MRPS9: variants seen among roughly 807,000 people sequenced by gnomAD.
MRPS9 encodes the protein mitochondrial ribosomal protein S9.
MRPS9 carries 45 observed loss-of-function variants against 59.9 expected under a neutral mutation model. The ratio of observed to expected loss-of-function variants is 0.75; its 90% CI spans 0.59 to 0.96. The LOEUF is 0.96. Ranked by LOEUF, MRPS9 falls within the 40% of genes least tolerant of loss-of-function variation. The pLI, the probability that MRPS9 is intolerant of heterozygous loss-of-function variation, is 0.00. For missense variants in MRPS9, 473 were observed against 481.1 expected, an observed-to-expected ratio of 0.98 and a Z score of 0.16; for synonymous variants, 171 against 166.8, an observed-to-expected ratio of 1.03 and a Z score of -0.19.
chr2:105,069,501 C>A (rs539672326), intron 2 of MRPS9, among the ~76,000 whole-genome samples: 57 of 152,304 alleles, frequency 3.7e-4, no homozygotes, highest in African/African-American at 1.3e-3. Flanking sequence ...GCGTGAGCCA[C>A]CAGGCCCAGC....
chr2:105,093,046 A>T (rs1330459245), intron 8 of MRPS9, among the ~76,000 whole-genome samples: 3 of 152,220 alleles, frequency 2.0e-5, no homozygotes, highest in African/African-American at 7.2e-5. Context: ...TACAACTCTT[A>T]AAAGATTTCA....
At chr2:105,038,266 G>A in intron 1 of MRPS9, 39 bp downstream of exon 1, 1 of 1,589,198 alleles carries the variant, frequency 6.3e-7, no homozygotes, top group Non-Finnish European at 8.6e-7. Context: ...TACCTCTGCC[G>A]CGCGAGGATG....
At chr2:105,053,819 T>G (rs1679753462) in intron 2 of MRPS9, among the ~76,000 whole-genome samples, 1 of 152,236 alleles carries the variant, frequency 6.6e-6, no homozygotes, top group African/African-American at 2.4e-5. Context: ...TGATGTCATC[T>G]TGTGTGATTG....
chr2:105,063,427 T>C (rs181047634), intron 2 of MRPS9, among the ~76,000 whole-genome samples: 67 of 151,056 alleles, frequency 4.4e-4, no homozygotes, highest in African/African-American at 1.6e-3. Flanking sequence ...CAAAACACTC[T>C]AATCTAATAG....
At chr2:105,052,039 A>G (rs187323620) in intron 2 of MRPS9, among the ~76,000 whole-genome samples, 18 of 152,334 alleles carry the variant, frequency 1.2e-4, no homozygotes, top group African/African-American at 3.4e-4. Context: ...ACTAAAAACT[A>G]CAAGAATTAG....
chr2:105,076,913 A>G (rs1228553176), intron 4 of MRPS9, among the ~76,000 whole-genome samples: 1 of 152,090 alleles, frequency 6.6e-6, no homozygotes, highest in East Asian at 1.9e-4. Flanking sequence ...AATAGAAAAA[A>G]TTAAAGTACC....
At chr2:105,067,911 T>C (rs1040179429) in intron 2 of MRPS9, among the ~76,000 whole-genome samples, 26 of 152,210 alleles carry the variant, frequency 1.7e-4, no homozygotes, top group Non-Finnish European at 2.9e-4. Context: ...CACTGCAGAC[T>C]TGAACTCTTG....
Position 105,044,210 on chromosome 2 carries a change from GGCATGAGCCACTGC to G in MRPS9, c.136-4958_136-4945del, listed in dbSNP as rs78592788. 2.0e-3 allele frequency among the ~76,000 whole-genome samples: 301 copies of G among 152,326 alleles called. 11 individuals are homozygous for G. The East Asian group carries it at 0.052, about 26-fold the overall frequency. On this transcript the variant is annotated intron_variant, in intron 1 of 10. Coordinates refer to ENST00000258455, the MANE Select transcript of MRPS9 (RefSeq NM_182640.3). ...GGCCTCCCAAAGTGCTGGGATTACA[GGCATGAGCCACTGC>G]GCCTGGCTGCAAATTGTTCTTAACA...
chr2:105,071,164 A>G (rs771540765), intron 2 of MRPS9, 149 bp from the exon 3 acceptor site: 10 of 609,660 alleles, frequency 1.6e-5, no homozygotes, highest in East Asian at 2.9e-5. Flanking sequence ...TGTGTGTAGT[A>G]ATTTTATCAT....
At chr2:105,065,981 T>C (rs1187983629) in intron 2 of MRPS9, among the ~76,000 whole-genome samples, 1 of 152,108 alleles carries the variant, frequency 6.6e-6, no homozygotes, top group Non-Finnish European at 1.5e-5. Flanking sequence ...AAAATCTGCA[T>C]AGAATGCCCA....
At chr2:105,060,163 AC>A (rs1307954065) in intron 2 of MRPS9, among the ~76,000 whole-genome samples, 1 of 151,884 alleles carries the variant, frequency 6.6e-6, no homozygotes, top group Non-Finnish European at 1.5e-5. Context: ...TAGCCCTATT[AC>A]CCCAACCATT....
In MRPS9 at chr2:105,097,027, G is replaced by A. The variant is rs1012834555; in HGVS notation, c.930-128G>A. On this transcript the variant is annotated intron_variant, in intron 9 of 10. Transcript: ENST00000258455. ...TATATCTTGGTAAAATGGATTGATTGAGAAGTATGAAAAGTATAACAGTGG... is the reference window on the plus strand; with the variant it reads ...TATATCTTGGTAAAATGGATTGATTAAGAAGTATGAAAAGTATAACAGTGG... The A allele has an allele frequency of 3.3e-6, 3 of 913,104 alleles. No individual in the cohort carries two copies. In the East Asian group the frequency reaches 9.2e-5, roughly 28 times the overall value. 56.6% of individuals were successfully genotyped at this position (913,104 alleles called of 1,614,324 possible). A position where few individuals can be genotyped will look rare whatever the true frequency, so the allele number is the denominator to read the frequency against.
At chr2:105,080,851 T>G (rs1026074898) in intron 5 of MRPS9, among the ~76,000 whole-genome samples, 1 of 152,190 alleles carries the variant, frequency 6.6e-6, no homozygotes, top group Non-Finnish European at 1.5e-5. Context: ...GCTGTTTATT[T>G]GTGCTCCACA....
At chr2:105,040,379 A>C (rs1254244617) in intron 1 of MRPS9, among the ~76,000 whole-genome samples, 1 of 152,188 alleles carries the variant, frequency 6.6e-6, no homozygotes, top group Non-Finnish European at 1.5e-5. Context: ...AGGTTACAGA[A>C]AACTTGAAGG....
intron 4 of MRPS9, among the ~76,000 whole-genome samples, chr2:105,077,643 A>C (rs894135510): frequency 2.6e-5 from 4 of 152,252 alleles, no homozygotes; most frequent in Non-Finnish European, 2.9e-5. Context: ...GAATTTTAAC[A>C]TGTGATCTGG....
intron 5 of MRPS9, 105 bp from the exon 6 acceptor site, chr2:105,088,879 A>C (rs1680501201): frequency 1.7e-6 from 1 of 603,096 alleles, no homozygotes; most frequent in Non-Finnish European, 2.7e-6. Context: ...GAGGAGGAGG[A>C]CACCTTAGGA....
chr2:105,042,739 T>G (rs1328578064), intron 1 of MRPS9, among the ~76,000 whole-genome samples: 1 of 152,256 alleles, frequency 6.6e-6, no homozygotes, highest in Non-Finnish European at 1.5e-5. Context: ...TTAACATCAC[T>G]CATTTCTTCT....
intron 1 of MRPS9, 109 bp from the exon 2 acceptor site, chr2:105,049,062 G>A (rs12614222): frequency 0.21 from 161,457 of 755,930 alleles, 18,453 homozygotes; most frequent in Middle Eastern, 0.3. Context: ...CTTGAATACC[G>A]TAATAAAAAA....
chr2:105,071,593 G>A, intron 4 of MRPS9, 104 bp downstream of exon 4: 1 of 1,103,068 alleles, frequency 9.1e-7, no homozygotes. Context: ...GCCTTCCTGT[G>A]TCACAGTAGT....
Sources: allele counts gnomAD v4.1 joint callset (sites outside exome capture counted in the v4.1 genomes callset), GRCh38; gene constraint gnomAD v4.1.1; transcripts MANE v1.5; gene names NCBI Gene and HGNC (gene_info 2026-07-23, HGNC 2026-07-21).